Variants in KCTD8 observed in about 807,000 individuals in gnomAD.
KCTD8 encodes BTB/POZ domain-containing protein KCTD8.
Under a neutral mutation model 31.5 loss-of-function variants are expected in KCTD8, and 27 were observed. That is an observed-to-expected ratio of 0.86 (90% CI 0.63 to 1.18). KCTD8 has a LOEUF of 1.18. Among genes scored for constraint, KCTD8 ranks in the 50% most tolerant of loss-of-function variants. The probability of loss-of-function intolerance (pLI) is 0.00; values close to 1 mark genes in which losing one functional copy is unlikely to be tolerated. For synonymous variants in KCTD8, 290 were observed against 280.0 expected, an observed-to-expected ratio of 1.04 and a Z score of -0.36; for missense variants, 658 against 647.7, an observed-to-expected ratio of 1.02 and a Z score of -0.17.
At chr4:44,265,309 C>T (rs1421459841) in intron 1 of KCTD8, among the ~76,000 whole-genome samples, 2 of 152,122 alleles carry the variant, frequency 1.3e-5, no homozygotes, top group Non-Finnish European at 2.9e-5. Context: ...CTAGCAAACT[C>T]CAACAGAACT....
intron 1 of KCTD8, among the ~76,000 whole-genome samples, chr4:44,276,216 A>G (rs1478804865): frequency 6.6e-6 from 1 of 152,060 alleles, no homozygotes; most frequent in East Asian, 1.9e-4. Flanking sequence ...AACAATTTCC[A>G]TAATAAGATA....
rs1396363730 is a variant in KCTD8 at position 44,448,709 on chromosome 4, C to G, written c.-186G>C. 6.2e-6 allele frequency: 3 copies of G among 480,028 alleles called. No individual in the cohort carries two copies. The East Asian group carries it at 1.1e-4, about 18-fold the overall frequency. The allele number at this position is 480,028 out of a possible 1,614,324, so 29.7% of individuals were successfully genotyped here. A position where few individuals can be genotyped will look rare whatever the true frequency, so the allele number is the denominator to read the frequency against. ...GGCGTCGGCGGCGCCCGAGCTCCAT[C>G]GGAGGAGAGACGCGCGAGAGAGGAG... On this transcript the variant is annotated 5_prime_UTR_variant, in exon 1 of 2. Coordinates refer to ENST00000360029, the MANE Select transcript of KCTD8 (RefSeq NM_198353.3). The surrounding 1 kb of genome is among the most constrained non-coding windows in gnomAD (Gnocchi z 4.1).
intron 1 of KCTD8, among the ~76,000 whole-genome samples, chr4:44,424,592 G>A (rs566103637): frequency 4.0e-4 from 61 of 152,072 alleles, no homozygotes; most frequent in African/African-American, 1.3e-3. Flanking sequence ...TATAAGTCAG[G>A]TGTGTCCACA....
In KCTD8 at chr4:44,309,866, G is replaced by A. The variant is rs549014890; in HGVS notation, c.962-134616C>T. On this transcript the variant is annotated intron_variant, in intron 1 of 1. Transcript: ENST00000360029. The stretch of plus-strand genomic sequence containing the variant: ...AATAAGATTCTATTCTAGTATTTTC[G>A]AACTAAAATACTAAATTTTAGTTGT... Among the ~76,000 whole-genome samples, 43 of 151,930 alleles carry A rather than the reference G, an allele frequency of 2.8e-4. No homozygotes were observed. In the East Asian group the frequency reaches 5.6e-3, roughly 20 times the overall value.
intron 1 of KCTD8, among the ~76,000 whole-genome samples, chr4:44,401,516 G>A (rs1280172654): frequency 6.6e-6 from 1 of 152,096 alleles, no homozygotes; most frequent in African/African-American, 2.4e-5. Context: ...GAACAATCAA[G>A]TCATAGTAAG....
chr4:44,416,187 GTC>G (rs71188281), intron 1 of KCTD8, among the ~76,000 whole-genome samples: 92 of 152,304 alleles, frequency 6.0e-4, no homozygotes, highest in Non-Finnish European at 1.1e-3. Flanking sequence ...GGAGCCTACT[GTC>G]TCTCTCTTTT....
chr4:44,230,461 T>C (rs1715090123), intron 1 of KCTD8, among the ~76,000 whole-genome samples: 1 of 152,202 alleles, frequency 6.6e-6, no homozygotes, highest in African/African-American at 2.4e-5. Context: ...ATTAACATGA[T>C]TGTGCATCAT....
At chr4:44,384,300 A>G (rs949087173) in intron 1 of KCTD8, among the ~76,000 whole-genome samples, 3 of 151,954 alleles carry the variant, frequency 2.0e-5, no homozygotes, top group African/African-American at 7.2e-5. Flanking sequence ...TGATCCAGCA[A>G]TCCTACCGCT....
chr4:44,403,247 G>A (rs1402107917), intron 1 of KCTD8, among the ~76,000 whole-genome samples: 1 of 151,960 alleles, frequency 6.6e-6, no homozygotes, highest in Admixed American at 6.6e-5. Context: ...TAACAGTACT[G>A]TAAAAAGTGT....
chr4:44,353,198 G>T (rs1454771524), intron 1 of KCTD8, among the ~76,000 whole-genome samples: 1 of 151,998 alleles, frequency 6.6e-6, no homozygotes, highest in Non-Finnish European at 1.5e-5. Flanking sequence ...TCACATAAAT[G>T]AAATCATAAA....
chr4:44,432,725 A>C, intron 1 of KCTD8, among the ~76,000 whole-genome samples: 1 of 151,652 alleles, frequency 6.6e-6, no homozygotes, highest in East Asian at 1.9e-4. Context: ...TATTTATGTA[A>C]CCACACCAGA....
intron 1 of KCTD8, among the ~76,000 whole-genome samples, chr4:44,427,884 C>T (rs1721386151): frequency 6.6e-6 from 1 of 151,626 alleles, no homozygotes; most frequent in South Asian, 2.1e-4. Context: ...CCTTTTAATA[C>T]CACATACAAG....
chr4:44,332,465 A>G (rs1010933532), intron 1 of KCTD8, among the ~76,000 whole-genome samples: 8 of 152,038 alleles, frequency 5.3e-5, no homozygotes, highest in African/African-American at 1.9e-4. Flanking sequence ...TTACACAAAA[A>G]GGAATGAAAT....
intron 1 of KCTD8, among the ~76,000 whole-genome samples, chr4:44,352,686 CTAAAGGTAGATATT>C: frequency 6.6e-6 from 1 of 151,306 alleles, no homozygotes; most frequent in Non-Finnish European, 1.5e-5. Flanking sequence ...TATCCATAAT[CTAAAGGTAGATATT>C]CATTGTATCC....
intron 1 of KCTD8, among the ~76,000 whole-genome samples, chr4:44,349,582 C>T (rs570193243): frequency 6.6e-6 from 1 of 152,284 alleles, no homozygotes; most frequent in South Asian, 2.1e-4. Flanking sequence ...ACTAACTGTA[C>T]AACTTACAGC....
intron 1 of KCTD8, among the ~76,000 whole-genome samples, chr4:44,430,327 G>C (rs1721443054): frequency 6.6e-6 from 1 of 151,628 alleles, no homozygotes; most frequent in African/African-American, 2.4e-5. Context: ...ATTTCCAGGA[G>C]TGTCACTGCA....
intron 1 of KCTD8, among the ~76,000 whole-genome samples, chr4:44,190,802 G>T (rs541018722): frequency 1.7e-4 from 26 of 152,270 alleles, no homozygotes; most frequent in African/African-American, 5.3e-4. Flanking sequence ...TGGATGTCTG[G>T]TTCAGTGATT....
chr4:44,316,078 T>C (rs1424587826), intron 1 of KCTD8, among the ~76,000 whole-genome samples: 1 of 152,108 alleles, frequency 6.6e-6, no homozygotes, highest in East Asian at 1.9e-4. Flanking sequence ...CATTTTTTTA[T>C]TACTTAACTT....
chr4:44,405,443 G>C lies in KCTD8; in HGVS notation c.961+42120C>G, dbSNP rs528049278. ...CCAGCTAATTTTTGTATTTTTAGTA[G>C]AGACAGGATTTCACCATGTTGGCCA... is the stretch of plus-strand genomic sequence containing the variant. On this transcript the variant is annotated intron_variant, in intron 1 of 1. Transcript: ENST00000360029. 7.2e-5 allele frequency among the ~76,000 whole-genome samples: 11 copies of C among 152,094 alleles called. No individual in the cohort carries two copies. In the South Asian group the frequency reaches 1.9e-3, roughly 26 times the overall value.
Sources: gnomAD v4.1 joint callset for allele counts (sites outside exome capture counted in the v4.1 genomes callset) on GRCh38, gnomAD v4.1.1 for gene constraint, Gnocchi (gnomAD v3.1) non-coding constraint, MANE v1.5 for transcripts, NCBI Gene and HGNC (gene_info 2026-07-23, HGNC 2026-07-21) for gene names.